PDE1A: variants seen among roughly 807,000 people sequenced by gnomAD.
The protein encoded by PDE1A is phosphodiesterase 1A.
PDE1A carries 35 observed loss-of-function variants against 61.7 expected under a neutral mutation model. The observed-to-expected ratio is 0.57, with a 90% confidence interval of 0.43 to 0.75. The LOEUF is 0.75. Ranked by LOEUF, PDE1A falls within the 30% of genes least tolerant of loss-of-function variation. The probability of loss-of-function intolerance (pLI) is 0.00; values close to 1 mark genes in which losing one functional copy is unlikely to be tolerated. For synonymous variants in PDE1A, 232 were observed against 213.2 expected, an observed-to-expected ratio of 1.09 and a Z score of -0.77; for missense variants, 597 against 630.6, an observed-to-expected ratio of 0.95 and a Z score of 0.57.
At chr2:182,186,615 A>G (rs937394479) in intron 11 of PDE1A, 27 bp from the exon 12 acceptor site, 1 of 1,576,120 alleles carries the variant, frequency 6.3e-7, no homozygotes, top group East Asian at 2.3e-5. Flanking sequence ...GAGAAGAGAG[A>G]GAGATAAATT....
the PDE1A span, among the ~76,000 whole-genome samples, chr2:182,670,603 T>G: frequency 6.6e-6 from 1 of 152,284 alleles, no homozygotes; most frequent in South Asian, 2.1e-4. Flanking sequence ...AATTAAAATC[T>G]CTAGTGATGG....
the PDE1A span, among the ~76,000 whole-genome samples, chr2:182,562,763 T>G: frequency 5.9e-5 from 9 of 152,194 alleles, no homozygotes; most frequent in Non-Finnish European, 1.3e-4. Flanking sequence ...GAGATTCAAC[T>G]TCTTCCTGGT....
At chr2:182,335,647 C>A (rs1574383892) in intron 1 of PDE1A, among the ~76,000 whole-genome samples, 2 of 152,112 alleles carry the variant, frequency 1.3e-5, no homozygotes. Flanking sequence ...AAACGTAAGA[C>A]CTTAAATCAT....
chr2:182,185,792 A>G (rs779379115), intron 13 of PDE1A, 100 bp downstream of exon 13: 2 of 1,571,114 alleles, frequency 1.3e-6, no homozygotes, highest in Non-Finnish European at 8.6e-7. Context: ...AAGGGCTTAC[A>G]TATTCTATAG....
chr2:182,391,890 G>T (rs2125393697), intron 1 of PDE1A, among the ~76,000 whole-genome samples: 1 of 152,244 alleles, frequency 6.6e-6, no homozygotes, highest in East Asian at 1.9e-4. Flanking sequence ...AAACTTCCAG[G>T]CTGAATGGAC....
chr2:182,343,609 C>G (rs1264794489), intron 1 of PDE1A, among the ~76,000 whole-genome samples: 2 of 152,118 alleles, frequency 1.3e-5, no homozygotes, highest in Non-Finnish European at 2.9e-5. Flanking sequence ...GCATTTTATA[C>G]AGGTCTATGT....
At chr2:182,382,839 T>C (rs1373240799) in intron 1 of PDE1A, among the ~76,000 whole-genome samples, 3 of 152,234 alleles carry the variant, frequency 2.0e-5, no homozygotes, top group African/African-American at 7.2e-5. Context: ...TTTAAATAGG[T>C]ATCTTCCAAA....
At chr2:182,333,679 C>T (rs1397210431) in intron 1 of PDE1A, among the ~76,000 whole-genome samples, 1 of 151,886 alleles carries the variant, frequency 6.6e-6, no homozygotes, top group Non-Finnish European at 1.5e-5. Flanking sequence ...AGTAAAGAAG[C>T]TAGAGAAAAC....
At chr2:182,214,377 C>T (rs377503288) in intron 7 of PDE1A, among the ~76,000 whole-genome samples, 5 of 149,206 alleles carry the variant, frequency 3.4e-5, no homozygotes, top group Non-Finnish European at 6.0e-5. Flanking sequence ...AATAACCAGC[C>T]AACATCATAA....
chr2:182,644,261 CTCTG>C, the PDE1A span, among the ~76,000 whole-genome samples: 1 of 68,324 alleles, frequency 1.5e-5, no homozygotes, highest in Non-Finnish European at 3.1e-5. Context: ...AGTCTTAAGA[CTCTG>C]TGTGTGTGTG....
intron 1 of PDE1A, among the ~76,000 whole-genome samples, chr2:182,373,829 G>C (rs1700248746): frequency 6.6e-6 from 1 of 152,128 alleles, no homozygotes; most frequent in African/African-American, 2.4e-5. Context: ...GGAGATATAT[G>C]ACAAGAAAAC....
chr2:182,242,347 G>T (rs1270411162), intron 2 of PDE1A, among the ~76,000 whole-genome samples: 1 of 152,186 alleles, frequency 6.6e-6, no homozygotes, highest in Non-Finnish European at 1.5e-5. Context: ...CTACTGAGAA[G>T]AAAGTGCATA....
intron 1 of PDE1A, among the ~76,000 whole-genome samples, chr2:182,421,838 A>G (rs1174275171): frequency 1.3e-5 from 2 of 152,220 alleles, no homozygotes; most frequent in East Asian, 3.8e-4. Context: ...GTAAGTTACT[A>G]ACAGCAATAG....
At chr2:182,542,923 G>C in the PDE1A span, among the ~76,000 whole-genome samples, 1 of 152,174 alleles carries the variant, frequency 6.6e-6, no homozygotes, top group African/African-American at 2.4e-5. Flanking sequence ...CAATGATAAA[G>C]GAAATTAGAG....
intron 2 of PDE1A, among the ~76,000 whole-genome samples, chr2:182,493,684 G>A (rs1005780237): frequency 4.6e-5 from 7 of 152,204 alleles, no homozygotes; most frequent in Non-Finnish European, 1.0e-4. Flanking sequence ...CCAAATGTCT[G>A]TCAATTATAG....
intron 1 of PDE1A, among the ~76,000 whole-genome samples, chr2:182,310,736 C>G (rs974860394): frequency 6.6e-6 from 1 of 152,210 alleles, no homozygotes; most frequent in Non-Finnish European, 1.5e-5. Flanking sequence ...CTGCACATCT[C>G]ACTTTCACGT....
chr2:182,380,531 T>C (rs1298466730), intron 1 of PDE1A, among the ~76,000 whole-genome samples: 1 of 152,198 alleles, frequency 6.6e-6, no homozygotes, highest in African/African-American at 2.4e-5. Flanking sequence ...AAGAATGGTA[T>C]ATGTGCTAAT....
intron 1 of PDE1A, among the ~76,000 whole-genome samples, chr2:182,283,462 A>G (rs954766146): frequency 6.6e-6 from 1 of 151,920 alleles, no homozygotes; most frequent in African/African-American, 2.4e-5. Flanking sequence ...GGCAGCCTTC[A>G]TTAAATGCTA....
At chr2:182,531,160 A>C in the PDE1A span, among the ~76,000 whole-genome samples, 1 of 151,912 alleles carries the variant, frequency 6.6e-6, no homozygotes, top group Non-Finnish European at 1.5e-5. Context: ...TAGATGAATC[A>C]AAATAAAATT....
Sources: allele counts gnomAD v4.1 joint callset (sites outside exome capture counted in the v4.1 genomes callset), GRCh38; gene constraint gnomAD v4.1.1; transcripts MANE v1.5; gene names NCBI Gene and HGNC (gene_info 2026-07-23, HGNC 2026-07-21).